TENT2: variants seen among roughly 807,000 people sequenced by gnomAD.
TENT2 encodes terminal nucleotidyltransferase 2, also known as poly(A) RNA polymerase GLD2.
A neutral mutation model predicts 72.2 loss-of-function variants in TENT2; 44 were observed. The observed-to-expected ratio is 0.61, with a 90% CI of 0.48 to 0.78. The LOEUF is 0.78. TENT2 is among the 30% of genes least tolerant of loss of function. The pLI, the probability that TENT2 is intolerant of heterozygous loss-of-function variation, is 0.00. For synonymous variants in TENT2, 212 were observed against 192.5 expected, an observed-to-expected ratio of 1.10 and a Z score of -0.84; for missense variants, 541 against 569.6, an observed-to-expected ratio of 0.95 and a Z score of 0.51.
chr5:79,687,656 C>G lies in TENT2; in HGVS notation c.*2383C>G, dbSNP rs984903075. ...AACCATTCTGCCTCCTCCCTACCCCCTCCCAAATATTTTTCATCCTGGTTG... is the reference window on the plus strand; with the variant it reads ...AACCATTCTGCCTCCTCCCTACCCCGTCCCAAATATTTTTCATCCTGGTTG... On this transcript the variant is annotated 3_prime_UTR_variant, in exon 15 of 15. Coordinates refer to ENST00000453514, the MANE Select transcript of TENT2 (RefSeq NM_001114394.3). 3.9e-5 allele frequency among the ~76,000 whole-genome samples: 6 copies of G among 152,210 alleles called. No homozygotes were observed. The highest frequency in any genetic ancestry group is 1.4e-4 in the African/African-American group (6 of 41,456).
intron 12 of TENT2, among the ~76,000 whole-genome samples, chr5:79,672,121 C>G (rs1025048815): frequency 6.6e-6 from 1 of 151,022 alleles, no homozygotes; most frequent in African/African-American, 2.4e-5. Flanking sequence ...AAACAAAAAA[C>G]TATTTTTCTT....
rs984741863 is a variant in TENT2, at chr5:79,668,824, G to T, written c.1072-68G>T. On this transcript the variant is annotated intron_variant, in intron 11 of 14. Coordinates refer to ENST00000453514, the MANE Select transcript of TENT2 (RefSeq NM_001114394.3). ...TTTTTCAAAGAGGAGCCTAGTTCAG[G>T]ATTTATAAAGTTTCTTAGTGTGTGT... 13 of 1,488,896 alleles carry T rather than the reference G, an allele frequency of 8.7e-6. No individual in the cohort carries two copies. In the African/African-American group the frequency reaches 1.5e-4, roughly 18 times the overall value. The allele number at this position is 1,488,896 out of a possible 1,614,324, so 92.2% of individuals were successfully genotyped here. A position where few individuals can be genotyped will look rare whatever the true frequency, so the allele number is the denominator to read the frequency against.
intron 11 of TENT2, among the ~76,000 whole-genome samples, chr5:79,659,260 C>T (rs771198026): frequency 7.9e-5 from 12 of 151,408 alleles, no homozygotes; most frequent in African/African-American, 2.9e-4. Flanking sequence ...ACCATCCGGG[C>T]GTGGTGGCTC....
At chr5:79,668,196 G>T (rs1290438582) in intron 11 of TENT2, among the ~76,000 whole-genome samples, 1 of 151,944 alleles carries the variant, frequency 6.6e-6, no homozygotes, top group Non-Finnish European at 1.5e-5. Context: ...TTTCTAATAG[G>T]CGTCTTTGTT....
intron 1 of TENT2, among the ~76,000 whole-genome samples, chr5:79,614,532 T>G (rs1758009910): frequency 6.6e-6 from 1 of 152,202 alleles, no homozygotes; most frequent in African/African-American, 2.4e-5. Context: ...CATGGTCAAG[T>G]ACAGATTGTG....
At chr5:79,680,770 C>T (rs1318341953) in intron 13 of TENT2, among the ~76,000 whole-genome samples, 6 of 152,116 alleles carry the variant, frequency 3.9e-5, no homozygotes, top group African/African-American at 1.4e-4. Flanking sequence ...TTATTTGGTC[C>T]TACTGGTTCT....
At chr5:79,654,753 G>C (rs1330602493) in intron 10 of TENT2, among the ~76,000 whole-genome samples, 3 of 148,726 alleles carry the variant, frequency 2.0e-5, no homozygotes, top group African/African-American at 7.8e-5. Flanking sequence ...GACAGAGCGA[G>C]ACCCTGTCTC....
chr5:79,648,768 G>A, intron 9 of TENT2, 75 bp downstream of exon 9: 2 of 1,134,064 alleles, frequency 1.8e-6, no homozygotes, highest in East Asian at 2.4e-5. Context: ...GGCATAAATA[G>A]TGACATCTCT....
chr5:79,613,819 A>T (rs1210112078), intron 1 of TENT2: 1 of 152,218 alleles, frequency 6.6e-6, no homozygotes, highest in Admixed American at 6.5e-5. Context: ...GGTTGGCAGG[A>T]TTTAGGAACT....
intron 9 of TENT2, 83 bp from the exon 10 acceptor site, chr5:79,648,979 T>G (rs533700351): frequency 1.4e-6 from 2 of 1,423,368 alleles, no homozygotes; most frequent in Admixed American, 2.0e-5. Context: ...GTTCTTTGTT[T>G]TGGTATGGAG....
intron 8 of TENT2, among the ~76,000 whole-genome samples, chr5:79,647,272 T>G (rs1187405156): frequency 1.3e-5 from 2 of 152,200 alleles, no homozygotes; most frequent in African/African-American, 4.8e-5. Context: ...CATAAATGCT[T>G]TCCATATTGA....
At chr5:79,635,457 T>C (rs1316352216) in intron 4 of TENT2, among the ~76,000 whole-genome samples, 3 of 148,394 alleles carry the variant, frequency 2.0e-5, no homozygotes, top group Non-Finnish European at 3.0e-5. Context: ...TATTTTCCAG[T>C]CATTGTAAAT....
At chr5:79,635,112 A>G (rs1779021766) in intron 4 of TENT2, among the ~76,000 whole-genome samples, 1 of 152,228 alleles carries the variant, frequency 6.6e-6, no homozygotes, top group Non-Finnish European at 1.5e-5. Context: ...ATTTTTAGCC[A>G]AGGATATTTC....
chr5:79,622,504 T>C (rs1468097137), intron 3 of TENT2, among the ~76,000 whole-genome samples: 2 of 152,248 alleles, frequency 1.3e-5, no homozygotes, highest in Non-Finnish European at 2.9e-5. Context: ...AATAATATGG[T>C]GAATATCTGT....
intron 14 of TENT2, among the ~76,000 whole-genome samples, chr5:79,683,343 CCCA>C (rs1823649713): frequency 6.8e-6 from 1 of 147,890 alleles, no homozygotes; most frequent in Admixed American, 6.8e-5. Flanking sequence ...ACACACACAC[CCCA>C]CCTCACCTCA....
intron 1 of TENT2, among the ~76,000 whole-genome samples, chr5:79,618,749 G>C (rs1348529327): frequency 6.6e-6 from 1 of 152,076 alleles, no homozygotes; most frequent in Non-Finnish European, 1.5e-5. Context: ...CTGTCAACTA[G>C]TTGGCTTCAT....
chr5:79,633,856 A>C lies in TENT2; in HGVS notation c.466-6995A>C, dbSNP rs190258642. Among the ~76,000 whole-genome samples, 55 of 151,648 alleles carry C rather than the reference A, an allele frequency of 3.6e-4. 1 individual carries two copies. The highest frequency in any genetic ancestry group is 1.3e-3 in the African/African-American group (54 of 41,408). ...GTGAGAGCTTTATATATTGGTACAT[A>C]TAAAAACTTTTCTGGGGCTGGGTGC... On this transcript the variant is annotated intron_variant, in intron 4 of 14. Coordinates refer to ENST00000453514, the MANE Select transcript of TENT2 (RefSeq NM_001114394.3).
At chr5:79,616,409 G>A (rs906481897) in intron 1 of TENT2, among the ~76,000 whole-genome samples, 2 of 151,870 alleles carry the variant, frequency 1.3e-5, no homozygotes, top group African/African-American at 4.8e-5. Context: ...TAGTCAGGCT[G>A]GTCTTGAACT....
At chr5:79,684,736 T>C (rs1335863180) in intron 14 of TENT2, among the ~76,000 whole-genome samples, 1 of 152,252 alleles carries the variant, frequency 6.6e-6, no homozygotes, top group Non-Finnish European at 1.5e-5. Context: ...GTACCACCTA[T>C]GTGCCCATTT....
Sources: allele counts gnomAD v4.1 joint callset (sites outside exome capture counted in the v4.1 genomes callset), GRCh38; gene constraint gnomAD v4.1.1; transcripts MANE v1.5; gene names NCBI Gene and HGNC (gene_info 2026-07-23, HGNC 2026-07-21).